LRCH3: variants seen among roughly 807,000 people sequenced by gnomAD.
LRCH3 encodes DISP complex protein LRCH3.
Under a neutral mutation model 104.5 loss-of-function variants are expected in LRCH3, and 68 were observed. That is an observed-to-expected ratio of 0.65 (90% CI 0.54 to 0.80). The LOEUF (loss-of-function observed/expected upper bound fraction) is 0.80, where lower values mean the gene tolerates loss of function less well. Ranked by LOEUF, LRCH3 falls within the 30% of genes least tolerant of loss-of-function variation. The pLI is 0.00. For synonymous variants in LRCH3, 344 were observed against 361.3 expected (o/e 0.95, Z 0.54); for missense variants, 951 against 953.9 (o/e 1.00, Z 0.04).
intron 5 of LRCH3, among the ~76,000 whole-genome samples, chr3:197,828,614 G>C (rs1735518382): frequency 6.6e-6 from 1 of 151,350 alleles, no homozygotes; most frequent in African/African-American, 2.4e-5. Context: ...CAAAGTGCTG[G>C]GATTACAGGT....
chr3:197,859,431 T>G (rs957529983), intron 15 of LRCH3: 1 of 154,626 alleles, frequency 6.5e-6, no homozygotes, highest in Non-Finnish European at 1.4e-5. Context: ...CAACATCATA[T>G]ACCTACAAGC....
chr3:197,864,587 G>C (rs1448643785), intron 15 of LRCH3, among the ~76,000 whole-genome samples: 1 of 144,972 alleles, frequency 6.9e-6, no homozygotes, highest in Non-Finnish European at 1.5e-5. Context: ...TCCAGCCTGG[G>C]CAATAAGAGC....
Position 197,826,949 on chromosome 3 carries a change from C to G in LRCH3, c.712C>G (p.Arg238Gly), listed in dbSNP as rs1235253771. Residue 238 changes from arginine (R) to glycine (G), a missense_variant, in exon 5 of 21, where the codon CGG becomes GGG. By Grantham distance (125) the Arg-to-Gly change is moderately radical. Coordinates refer to ENST00000425562, the MANE Select transcript of LRCH3 (RefSeq NM_001365715.1). ...NKITTIPVCY[R>G]NLRHLQTITL... ...AATTACCACAATCCCTGTTTGTTAT[C>G]GGAACCTCAGGCACCTACAGACGAT... is the stretch of plus-strand genomic sequence containing the variant. 6.2e-7 allele frequency: 1 copy of G among 1,613,964 alleles called. No individual in the cohort carries two copies. Among genetic ancestry groups the G allele is most frequent in the Admixed American group, 1.7e-5 (1 of 59,976 alleles).
chr3:197,846,115 A>G (rs1486933032), intron 10 of LRCH3, among the ~76,000 whole-genome samples: 1 of 152,022 alleles, frequency 6.6e-6, no homozygotes, highest in Non-Finnish European at 1.5e-5. Flanking sequence ...CTAAATGTGT[A>G]ATCAGGGCGT....
chr3:197,861,799 A>T (rs1740917227), intron 15 of LRCH3, among the ~76,000 whole-genome samples: 1 of 151,434 alleles, frequency 6.6e-6, no homozygotes, highest in Admixed American at 6.6e-5. Context: ...TTTGCTCTCC[A>T]GTTTTCCAAG....
chr3:197,816,701 C>T lies in LRCH3; in HGVS notation c.408-475C>T, dbSNP rs551620128. Among the ~76,000 whole-genome samples, 11 of 151,956 alleles carry T rather than the reference C, an allele frequency of 7.2e-5. No homozygotes were observed. In the South Asian group the frequency reaches 2.3e-3, roughly 32 times the overall value. ...AAATCACAACTTACTGCTTTTTTTT[C>T]CACAGAGCTACATTTTCACCATTTA... On this transcript the variant is annotated intron_variant, in intron 2 of 20. Coordinates refer to ENST00000425562, the MANE Select transcript of LRCH3 (RefSeq NM_001365715.1).
At chr3:197,821,928 C>T (rs896444974) in intron 4 of LRCH3, among the ~76,000 whole-genome samples, 1 of 152,206 alleles carries the variant, frequency 6.6e-6, no homozygotes, top group Non-Finnish European at 1.5e-5. Flanking sequence ...CTTGCCTCAG[C>T]CTGTCAGAGT....
chr3:197,883,792 C>T lies in LRCH3; in HGVS notation c.*126C>T. ...TCAGAAGGGACCGTTCCCATGATTC[C>T]TAACAGGAATATTTTGCTTCATTTC... On this transcript the variant is annotated 3_prime_UTR_variant, in exon 21 of 21. Transcript: ENST00000425562. The surrounding 1 kb of genome is among the most constrained non-coding windows in gnomAD (Gnocchi z 4.2). 1 of 1,018,174 alleles carries T rather than the reference C, an allele frequency of 9.8e-7. No homozygotes were observed. The highest frequency in any genetic ancestry group is 1.3e-6 in the Non-Finnish European group (1 of 764,966). The allele number at this position is 1,018,174 out of a possible 1,614,324, so 63.1% of individuals were successfully genotyped here. A position where few individuals can be genotyped will look rare whatever the true frequency, so the allele number is the denominator to read the frequency against.
intron 9 of LRCH3, 78 bp downstream of exon 9, chr3:197,835,900 A>T: frequency 1.4e-6 from 2 of 1,464,868 alleles, no homozygotes; most frequent in Non-Finnish European, 1.9e-6. Context: ...GTTTTGTTAT[A>T]TCAGTGATTT....
chr3:197,800,117 T>G (rs1731705747), intron 1 of LRCH3, among the ~76,000 whole-genome samples: 1 of 151,436 alleles, frequency 6.6e-6, no homozygotes, highest in South Asian at 2.1e-4. Context: ...TGAACCCCGG[T>G]GGTGGAGGTT....
At position 197,839,357 on chromosome 3, in the gene LRCH3, CA is replaced by C; in HGVS notation, c.1294del (p.Thr432GlnfsTer4). 1 of 1,591,894 alleles carries C rather than the reference CA, an allele frequency of 6.3e-7. No individual in the cohort carries two copies. Among genetic ancestry groups the C allele is most frequent in the South Asian group, 1.1e-5 (1 of 87,162 alleles). ...AAAGCCAGTAGCCATTAGGGAGTTT[CA>C]AAAAACAGAAGATATGAGAAGATAT... The part of the protein sequence containing the change: ...PVKPVAIREF[Q>X]KTEDMRRYLH... On this transcript the variant is annotated frameshift_variant, in exon 10 of 21. Transcript: ENST00000425562. LOFTEE classifies it high-confidence loss of function.
At chr3:197,881,513 G>A in intron 20 of LRCH3, 6 of 985,394 alleles carry the variant, frequency 6.1e-6, no homozygotes, top group Non-Finnish European at 7.2e-6. Context: ...GTTTAAATTT[G>A]GAATTTATGT....
At chr3:197,820,204 G>A in intron 3 of LRCH3, 121 bp from the exon 4 acceptor site, 1 of 695,662 alleles carries the variant, frequency 1.4e-6, no homozygotes, top group South Asian at 1.7e-5. Flanking sequence ...CAGAACCATT[G>A]AATTAAGCTA....
At chr3:197,849,177 T>C (rs1739203973) in intron 12 of LRCH3, among the ~76,000 whole-genome samples, 1 of 150,734 alleles carries the variant, frequency 6.6e-6, no homozygotes, top group Non-Finnish European at 1.5e-5. Context: ...AGTGGAGGAA[T>C]TGTCTGAGCC....
chr3:197,879,371 G>C (rs770558348), intron 20 of LRCH3, among the ~76,000 whole-genome samples: 18 of 152,184 alleles, frequency 1.2e-4, no homozygotes, highest in African/African-American at 4.3e-4. Flanking sequence ...CCCTGGCCGG[G>C]CGCGGTGGCT....
chr3:197,865,398 T>C (rs767663247), intron 15 of LRCH3, 25 bp from the exon 16 acceptor site: 6 of 1,478,692 alleles, frequency 4.1e-6, no homozygotes, highest in South Asian at 1.2e-5. Context: ...ATAACAATTA[T>C]TGATATATGT....
At chr3:197,793,497 C>T (rs1019655679) in intron 1 of LRCH3, among the ~76,000 whole-genome samples, 1 of 152,154 alleles carries the variant, frequency 6.6e-6, no homozygotes, top group Non-Finnish European at 1.5e-5. Context: ...TTCATTGTTA[C>T]TACATCAAGC....
intron 5 of LRCH3, 57 bp downstream of exon 5, chr3:197,827,071 G>T: frequency 6.3e-7 from 1 of 1,598,264 alleles, no homozygotes; most frequent in Non-Finnish European, 8.5e-7. Context: ...GTAAACCACG[G>T]TGGAAGCATC....
intron 12 of LRCH3, among the ~76,000 whole-genome samples, chr3:197,851,340 C>G (rs547582745): frequency 6.6e-6 from 1 of 152,004 alleles, no homozygotes; most frequent in South Asian, 2.1e-4. Flanking sequence ...AGTTTCAAAG[C>G]AGGAAAAAAC....
Sources: gnomAD v4.1 joint callset for allele counts (sites outside exome capture counted in the v4.1 genomes callset) on GRCh38, gnomAD v4.1.1 for gene constraint, Gnocchi (gnomAD v3.1) non-coding constraint, MANE v1.5 for transcripts, NCBI Gene and HGNC (gene_info 2026-07-23, HGNC 2026-07-21) for gene names.